CLEC2A: variants seen among roughly 807,000 people sequenced by gnomAD.
CLEC2A encodes keratinocyte-associated C-type lectin.
CLEC2A carries 19 observed loss-of-function variants against 18.6 expected under a neutral mutation model. That is an observed-to-expected ratio of 1.02 (90% CI 0.71 to 1.50). The LOEUF (loss-of-function observed/expected upper bound fraction) is 1.50, where lower values mean the gene tolerates loss of function less well. CLEC2A is among the 40% of genes most tolerant of loss of function. The pLI is 0.00. For missense variants in CLEC2A, 190 were observed against 207.9 expected (o/e 0.91, Z 0.53); for synonymous variants, 74 against 64.0 (o/e 1.16, Z -0.75).
At chr12:9,893,327 A>G in the CLEC2A span, 8 of 834,762 alleles carry the variant, frequency 9.6e-6, no homozygotes, top group Non-Finnish European at 1.4e-5. Flanking sequence ...AATGTATATG[A>G]AAAAATATAT....
chr12:9,910,227 C>G (rs1453219882), downstream of CLEC2A, among the ~76,000 whole-genome samples: 2 of 152,136 alleles, frequency 1.3e-5, no homozygotes, highest in Non-Finnish European at 1.5e-5. Flanking sequence ...CTTTTATTAT[C>G]TTACCAATAT....
chr12:9,919,337 G>A (rs73247978), intron 3 of CLEC2A, among the ~76,000 whole-genome samples: 16,349 of 152,226 alleles, frequency 0.11, 1,634 homozygotes, highest in East Asian at 0.42. Flanking sequence ...GCCCAGGATG[G>A]AGGGTCTCTG....
At chr12:9,893,374 G>A in the CLEC2A span, 2 of 896,586 alleles carry the variant, frequency 2.2e-6, no homozygotes, top group Non-Finnish European at 3.4e-6. Flanking sequence ...CACTATAGAA[G>A]GCATCAAAAT....
intron 2 of CLEC2A, among the ~76,000 whole-genome samples, 177 bp from the exon 3 acceptor site, chr12:9,922,409 G>A (rs1863189463): frequency 6.6e-6 from 1 of 152,166 alleles, no homozygotes; most frequent in Non-Finnish European, 1.5e-5. Context: ...ATCATTTAGT[G>A]ATCAAGCAGT....
At chr12:9,912,268 T>A (rs2137030658), downstream of CLEC2A, among the ~76,000 whole-genome samples, 1 of 152,184 alleles carries the variant, frequency 6.6e-6, no homozygotes, top group East Asian at 1.9e-4. Flanking sequence ...TGTGGTGGCT[T>A]ATGGCTGGGA....
chr12:9,906,297 G>C (rs1565528131), intron 4 of CLEC2A, among the ~76,000 whole-genome samples: 1 of 152,116 alleles, frequency 6.6e-6, no homozygotes, highest in Non-Finnish European at 1.5e-5. Context: ...GCAATAGGGG[G>C]AGGAAGACAA....
intron 4 of CLEC2A, among the ~76,000 whole-genome samples, chr12:9,903,347 A>G (rs534760738): frequency 6.6e-6 from 1 of 152,308 alleles, no homozygotes; most frequent in Admixed American, 6.5e-5. Context: ...AGAATACAAT[A>G]TAATATCCTA....
intron 1 of CLEC2A, among the ~76,000 whole-genome samples, chr12:9,931,287 A>G (rs1368327893): frequency 6.6e-6 from 1 of 152,200 alleles, no homozygotes; most frequent in Admixed American, 6.5e-5. Context: ...TGTAAAATGT[A>G]GACTAATTTT....
intron 1 of CLEC2A, among the ~76,000 whole-genome samples, chr12:9,931,507 G>A (rs543008515): frequency 6.6e-6 from 1 of 152,102 alleles, no homozygotes; most frequent in Non-Finnish European, 1.5e-5. Context: ...GCTAGAAATC[G>A]TATGGTAGAT....
chr12:9,893,284 A>C, the CLEC2A span: 1 of 962,410 alleles, frequency 1.0e-6, no homozygotes, highest in South Asian at 1.9e-5. Flanking sequence ...TGTTAGCCAC[A>C]ATGTAGTCAC....
downstream of CLEC2A, among the ~76,000 whole-genome samples, chr12:9,908,362 C>T (rs560660573): frequency 1.5e-3 from 226 of 152,278 alleles, no homozygotes; most frequent in African/African-American, 5.3e-3. Context: ...ATTTCTGCTT[C>T]CAGGATTAAT....
chr12:9,881,720 G>A, the CLEC2A span: 1 of 1,211,860 alleles, frequency 8.3e-7, no homozygotes, highest in Non-Finnish European at 1.2e-6. Flanking sequence ...CTTCTAGGAA[G>A]AGAATTATCT....
rs148336034 is a variant in CLEC2A, at chr12:9,901,188, C to T, written c.411-2212G>A. ...TCATGTTTTGCTTGACATTCGTGAACATTTCAGCTCTTCATGACCCCTGTA... is the reference window on the plus strand; with the variant it reads ...TCATGTTTTGCTTGACATTCGTGAATATTTCAGCTCTTCATGACCCCTGTA... On this transcript the variant is annotated intron_variant, in intron 4 of 4. Transcript: ENST00000339766. 1.9e-3 allele frequency among the ~76,000 whole-genome samples: 289 copies of T among 152,316 alleles called. 4 individuals are homozygous for T. Among genetic ancestry groups the T allele is most frequent in the African/African-American group, 6.5e-3 (272 of 41,576 alleles).
chr12:9,883,027 T>C, the CLEC2A span, among the ~76,000 whole-genome samples: 1 of 152,120 alleles, frequency 6.6e-6, no homozygotes. Flanking sequence ...TAAGATAATA[T>C]CCATTTAAAT....
rs1371780510 is a variant in CLEC2A, at chr12:9,924,377, A to G, written c.139+1883T>C. On this transcript the variant is annotated intron_variant, in intron 2 of 4. Transcript: ENST00000455827. ...TAGACAGCAATAACATTAAGCTCTA[A>G]GACTACACTGACAGTAGAGACTATA... Among the ~76,000 whole-genome samples, 3 of 152,138 alleles carry G rather than the reference A, an allele frequency of 2.0e-5. 1 individual carries two copies. In the South Asian group the frequency reaches 6.2e-4, roughly 31 times the overall value.
downstream of CLEC2A, among the ~76,000 whole-genome samples, chr12:9,895,177 T>C (rs1253209255): frequency 6.6e-6 from 1 of 152,206 alleles, no homozygotes; most frequent in Non-Finnish European, 1.5e-5. Flanking sequence ...CCAACTCACA[T>C]CATTATAGCA....
downstream of CLEC2A, among the ~76,000 whole-genome samples, chr12:9,912,246 G>A (rs1862997904): frequency 6.6e-6 from 1 of 152,188 alleles, no homozygotes. Context: ...CTTGGGTGGG[G>A]AAGGGGAAGG....
the CLEC2A span, among the ~76,000 whole-genome samples, chr12:9,886,104 G>A: frequency 4.6e-5 from 7 of 152,010 alleles, no homozygotes; most frequent in African/African-American, 9.7e-5. Flanking sequence ...AAAGAAAAAC[G>A]CTATTGAGAA....
intron 3 of CLEC2A, among the ~76,000 whole-genome samples, chr12:9,917,470 T>G (rs1863091479): frequency 6.6e-6 from 1 of 152,236 alleles, no homozygotes; most frequent in Non-Finnish European, 1.5e-5. Context: ...CAAACTTCTG[T>G]GTTAAACAGA....
Sources: allele counts gnomAD v4.1 joint callset (sites outside exome capture counted in the v4.1 genomes callset), GRCh38; gene constraint gnomAD v4.1.1; transcripts MANE v1.5; gene names NCBI Gene and HGNC (gene_info 2026-07-23, HGNC 2026-07-21).